EFCAB6: variants seen among roughly 807,000 people sequenced by gnomAD.
The protein encoded by EFCAB6 is EF-hand calcium binding domain 6.
Under a neutral mutation model 169.8 loss-of-function variants are expected in EFCAB6, and 156 were observed. The observed-to-expected ratio is 0.92, with a 90% CI of 0.81 to 1.05. EFCAB6 has a LOEUF of 1.05. Ranked by LOEUF, EFCAB6 falls within the 50% of genes least tolerant of loss-of-function variation. EFCAB6 has a pLI of 0.00. For synonymous variants in EFCAB6, 698 were observed against 676.4 expected, an observed-to-expected ratio of 1.03 and a Z score of -0.50; for missense variants, 1,800 against 1,829.1, an observed-to-expected ratio of 0.98 and a Z score of 0.29.
chr22:43,684,383 G>A (rs1006922592), intron 11 of EFCAB6, among the ~76,000 whole-genome samples: 5 of 152,056 alleles, frequency 3.3e-5, no homozygotes, highest in Non-Finnish European at 7.4e-5. Flanking sequence ...CCCTGAGCTC[G>A]GGGCCCGTCA....
At chr22:43,661,200 C>T (rs576410078) in intron 17 of EFCAB6, among the ~76,000 whole-genome samples, 1 of 151,954 alleles carries the variant, frequency 6.6e-6, no homozygotes, top group South Asian at 2.1e-4. Context: ...CATAGTGAGA[C>T]CTCATCTCTA....
At chr22:43,663,680 T>C (rs1322496508) in intron 17 of EFCAB6, among the ~76,000 whole-genome samples, 5 of 152,226 alleles carry the variant, frequency 3.3e-5, no homozygotes, top group African/African-American at 1.2e-4. Flanking sequence ...CAGTTTGTTA[T>C]GGACTGAATG....
chr22:43,557,641 G>A (rs956249952), intron 26 of EFCAB6, among the ~76,000 whole-genome samples: 2 of 151,900 alleles, frequency 1.3e-5, no homozygotes, highest in Non-Finnish European at 2.9e-5. Context: ...AAATATTCCA[G>A]AACACAGAAA....
At chr22:43,567,494 G>C (rs139425768) in intron 26 of EFCAB6, among the ~76,000 whole-genome samples, 1 of 152,296 alleles carries the variant, frequency 6.6e-6, no homozygotes, top group Non-Finnish European at 1.5e-5. Context: ...CAAATGTTTG[G>C]TGTTTGCTGT....
At chr22:43,738,492 T>C (rs547507316) in intron 6 of EFCAB6, among the ~76,000 whole-genome samples, 3 of 147,764 alleles carry the variant, frequency 2.0e-5, no homozygotes, top group Admixed American at 6.6e-5. Context: ...CACACACACA[T>C]GCACATATAC....
intron 6 of EFCAB6, among the ~76,000 whole-genome samples, chr22:43,745,360 C>A (rs2060522236): frequency 6.6e-6 from 1 of 152,196 alleles, no homozygotes; most frequent in South Asian, 2.1e-4. Flanking sequence ...GGAGGCAGGC[C>A]AAGCTTCTTC....
intron 6 of EFCAB6, among the ~76,000 whole-genome samples, chr22:43,751,246 C>T (rs1455795561): frequency 1.3e-5 from 2 of 152,090 alleles, no homozygotes; most frequent in Admixed American, 6.5e-5. Context: ...CACTGTATTC[C>T]TATACAGGTC....
At chr22:43,534,077 A>G (rs1370100299) in intron 30 of EFCAB6, among the ~76,000 whole-genome samples, 1 of 151,996 alleles carries the variant, frequency 6.6e-6, no homozygotes, top group Non-Finnish European at 1.5e-5. Flanking sequence ...ACATGGCAAA[A>G]CTCTGTGCTA....
Position 43,573,645 on chromosome 22 carries a change from C to T in EFCAB6, c.3420+2652G>A, listed in dbSNP as rs185952899. Among the ~76,000 whole-genome samples the T allele has an allele frequency of 2.2e-4, 33 of 150,062 alleles. No homozygotes were observed. The East Asian group carries it at 3.5e-3, about 16-fold the overall frequency. On this transcript the variant is annotated intron_variant, in intron 26 of 31. Coordinates refer to ENST00000262726, the MANE Select transcript of EFCAB6 (RefSeq NM_022785.4). ...ACTCGGGCGGCTGAGGCAGGAGAAT[C>T]GCTTGAACCCAGGAGGTGGAGGTTG...
chr22:43,721,254 T>C (rs5764239), intron 8 of EFCAB6, among the ~76,000 whole-genome samples: 115,256 of 151,656 alleles, frequency 0.76, 43,934 homozygotes, highest in East Asian at 0.86. Context: ...AAAAATATTC[T>C]ATGCTTACGG....
chr22:43,534,240 T>C (rs2147002139), intron 30 of EFCAB6, among the ~76,000 whole-genome samples: 1 of 152,304 alleles, frequency 6.6e-6, no homozygotes, highest in Admixed American at 6.5e-5. Flanking sequence ...AGCTGATGAT[T>C]TTAAAAGTAT....
chr22:43,640,790 C>T (rs1000837024), intron 17 of EFCAB6, among the ~76,000 whole-genome samples: 1 of 152,146 alleles, frequency 6.6e-6, no homozygotes, highest in Non-Finnish European at 1.5e-5. Context: ...GATTTATTGA[C>T]TTACTTAACA....
At chr22:43,577,725 G>T (rs933507578) in intron 25 of EFCAB6, among the ~76,000 whole-genome samples, 1 of 152,082 alleles carries the variant, frequency 6.6e-6, no homozygotes, top group African/African-American at 2.4e-5. Flanking sequence ...CAATGGCAGC[G>T]GCAGGCTCAG....
At chr22:43,728,814 T>C (rs2059832605) in intron 8 of EFCAB6, among the ~76,000 whole-genome samples, 1 of 152,260 alleles carries the variant, frequency 6.6e-6, no homozygotes, top group Admixed American at 6.5e-5. Flanking sequence ...ATTAGACCTC[T>C]GTCAGATGGA....
intron 6 of EFCAB6, among the ~76,000 whole-genome samples, chr22:43,750,166 T>C (rs1441890478): frequency 6.6e-6 from 1 of 152,212 alleles, no homozygotes; most frequent in East Asian, 1.9e-4. Flanking sequence ...ATTCTGATAT[T>C]GCAGAATCTT....
chr22:43,809,104 A>G lies in EFCAB6; in HGVS notation c.-117T>C, dbSNP rs1180804553. On this transcript the variant is annotated 5_prime_UTR_variant, in exon 2 of 32. Transcript: ENST00000262726. ...CACTTTTGTCATTGGGCAGTAATCT[A>G]GGCCCTTCCAATCCTCTGCGATGAG... 12 of 152,348 alleles carry G rather than the reference A, an allele frequency of 7.9e-5. No individual in the cohort carries two copies. Among genetic ancestry groups the G allele is most frequent in the African/African-American group, 2.6e-4 (11 of 41,568 alleles). The allele number at this position is 152,348 out of a possible 1,614,324, so 9.4% of individuals were successfully genotyped here.
intron 10 of EFCAB6, among the ~76,000 whole-genome samples, chr22:43,701,784 G>T (rs1402125596): frequency 1.3e-5 from 2 of 149,062 alleles, no homozygotes; most frequent in Non-Finnish European, 3.0e-5. Context: ...TAAGAATGAT[G>T]AATTTACGGA....
At position 43,572,062 on chromosome 22, in the gene EFCAB6, G is replaced by C. The variant is rs558671537; in HGVS notation, c.3420+4235C>G. ...TGATGGGACAGGGCAGGAGGTGGCCGGTGCAGGGATGCGTGCTGCAGGGAC... is the reference window on the plus strand; with the variant it reads ...TGATGGGACAGGGCAGGAGGTGGCCCGTGCAGGGATGCGTGCTGCAGGGAC... On this transcript the variant is annotated intron_variant, in intron 26 of 31. Coordinates refer to ENST00000262726, the MANE Select transcript of EFCAB6 (RefSeq NM_022785.4). The surrounding 1 kb of genome is among the most constrained non-coding windows in gnomAD (Gnocchi z 4.0). 1.9e-3 allele frequency among the ~76,000 whole-genome samples: 290 copies of C among 152,286 alleles called. No individual in the cohort carries two copies. Among genetic ancestry groups the C allele is most frequent in the Non-Finnish European group, 3.1e-3 (214 of 68,016 alleles).
chr22:43,742,164 G>A lies in EFCAB6; in HGVS notation c.508-6171C>T, dbSNP rs1044630331. Among the ~76,000 whole-genome samples, 8 of 151,946 alleles carry A rather than the reference G, an allele frequency of 5.3e-5. No homozygotes were observed. The East Asian group carries it at 5.8e-4, about 11-fold the overall frequency. ...AAACTACTGCCCACCACCTGATTTC[G>A]TACACCTGCAAGCTAAGAATGGTTT... On this transcript the variant is annotated intron_variant, in intron 6 of 31. Coordinates refer to ENST00000262726, the MANE Select transcript of EFCAB6 (RefSeq NM_022785.4).
Sources: allele counts gnomAD v4.1 joint callset (sites outside exome capture counted in the v4.1 genomes callset), GRCh38; gene constraint gnomAD v4.1.1; non-coding constraint Gnocchi (gnomAD v3.1); transcripts MANE v1.5; gene names NCBI Gene and HGNC (gene_info 2026-07-23, HGNC 2026-07-21).